The following PAOX variants were observed in gnomAD, a reference collection of about 807,000 sequenced individuals.
PAOX encodes polyamine oxidase.
PAOX carries 38 observed loss-of-function variants against 39.0 expected under a neutral mutation model. The observed-to-expected ratio is 0.97, with a 90% CI of 0.75 to 1.28. The LOEUF (loss-of-function observed/expected upper bound fraction) is 1.28, where lower values mean the gene tolerates loss of function less well. PAOX is among the 50% of genes most tolerant of loss of function. PAOX has a pLI of 0.00. For missense variants in PAOX, 667 were observed against 685.7 expected, an observed-to-expected ratio of 0.97 and a Z score of 0.30; for synonymous variants, 311 against 314.4, an observed-to-expected ratio of 0.99 and a Z score of 0.11.
chr10:133,389,200 C>T (rs1849604391), intron 5 of PAOX, 132 bp downstream of exon 5: 1 of 746,516 alleles, frequency 1.3e-6, no homozygotes, highest in Non-Finnish European at 2.4e-6. Context: ...GACCATCCTT[C>T]CTCATGTTAG....
chr10:133,388,442 A>G (rs1201007018), intron 4 of PAOX, among the ~76,000 whole-genome samples: 5 of 152,208 alleles, frequency 3.3e-5, no homozygotes, highest in Non-Finnish European at 5.9e-5. Flanking sequence ...ATGTCCCTGC[A>G]AAGGACATGA....
Position 133,388,999 on chromosome 10 carries a change from G to C in PAOX, c.1165G>C (p.Glu389Gln), listed in dbSNP as rs1213404925. 11 of 1,614,112 alleles carry C rather than the reference G, an allele frequency of 6.8e-6. No homozygotes were observed. The highest frequency in any genetic ancestry group is 9.3e-6 in the Non-Finnish European group (11 of 1,180,030). Residue 389 changes from glutamate to glutamine, a missense_variant, in exon 5 of 7, where the codon GAG becomes CAG. Glu to Gln is a conservative substitution (Grantham distance 29, BLOSUM62 2). Transcript: ENST00000278060. Reference protein sequence around the residue: ...LCGFIAGLESEFMETLSDEEV... With the variant: ...LCGFIAGLESQFMETLSDEEV... ...TGGGTTCATTGCCGGACTTGAGTCT[G>C]AGTTCATGGAGACTCTGTCGGATGA... is the stretch of plus-strand genomic sequence containing the variant.
chr10:133,384,095 A>G lies in PAOX; in HGVS notation c.1004A>G (p.Asp335Gly), dbSNP rs1266549923. The G allele has an allele frequency of 1.2e-6, 2 of 1,614,198 alleles. No individual in the cohort carries two copies. Among genetic ancestry groups the G allele is most frequent in the East Asian group, 2.2e-5 (1 of 44,886 alleles). Reference protein sequence around the residue: ...LEFEEPFWEPDCQLIQLVWED... With the variant: ...LEFEEPFWEPGCQLIQLVWED... ...TTTGAGGAGCCCTTCTGGGAGCCAG[A>G]CTGCCAGCTGATCCAGCTGGTGTGG... The change falls in exon 4 of 7, where the codon GAC (aspartate) becomes GGC (glycine). Residue 335 changes from aspartate to glycine, a missense_variant. By Grantham distance (94) the Asp-to-Gly change is moderately conservative. Coordinates refer to ENST00000278060, the MANE Select transcript of PAOX (RefSeq NM_152911.4). This position sits in a 1 kb window ranked among gnomAD's most constrained non-coding sequence, Gnocchi z 4.3.
At chr10:133,380,956 C>T (rs180727067) in intron 2 of PAOX, among the ~76,000 whole-genome samples, 175 of 152,274 alleles carry the variant, frequency 1.1e-3, no homozygotes, top group African/African-American at 3.9e-3. Context: ...CCAACCTGGG[C>T]GACAGAGTGA....
chr10:133,386,427 T>C (rs945388482), intron 4 of PAOX, among the ~76,000 whole-genome samples: 1 of 152,160 alleles, frequency 6.6e-6, no homozygotes, highest in Non-Finnish European at 1.5e-5. Context: ...GGTTGAAACA[T>C]AGGAAGAAAA....
chr10:133,390,939 T>G (rs1170586168), intron 6 of PAOX: 2 of 697,692 alleles, frequency 2.9e-6, no homozygotes, highest in South Asian at 1.5e-5. Context: ...GTGCAGTGGC[T>G]TCCTTTCCCA....
rs369813565 is a variant in PAOX, at chr10:133,384,111, G to C, written c.1020G>C (p.Gln340His). Residue 340 changes from glutamine (Q) to histidine (H), a missense_variant, in exon 4 of 7, where the codon CAG becomes CAC. Physicochemically the swap from Gln to His is conservative, Grantham distance 24. Coordinates refer to ENST00000278060, the MANE Select transcript of PAOX (RefSeq NM_152911.4). The surrounding 1 kb of genome is among the most constrained non-coding windows in gnomAD (Gnocchi z 4.3). Reference sequence around the variant, plus strand: ...GGGAGCCAGACTGCCAGCTGATCCAGCTGGTGTGGGAGGACACGTCGCCCC... The same window carrying C: ...GGGAGCCAGACTGCCAGCTGATCCACCTGGTGTGGGAGGACACGTCGCCCC... ...PFWEPDCQLIQLVWEDTSPLE... is the reference protein window; with the variant it reads ...PFWEPDCQLIHLVWEDTSPLE... The C allele has an allele frequency of 3.0e-5, 49 of 1,614,096 alleles. No individual in the cohort carries two copies. The highest frequency in any genetic ancestry group is 4.2e-5 in the Non-Finnish European group (49 of 1,180,034).
chr10:133,380,219 C>T lies in PAOX; in HGVS notation c.402C>T (p.Phe134=). The change falls in exon 2 of 7, where the codon TTC becomes TTT. Residue 134 remains phenylalanine (F), a synonymous_variant. Transcript: ENST00000278060. The part of the protein sequence containing the change: ...LQLVAEMATL[F]YGLIDQTREF... Reference sequence around the variant, plus strand: ...TGGTGGCGGAGATGGCGACTCTGTTCTACGGCCTGATAGACCAGACCCGGG... The same window carrying T: ...TGGTGGCGGAGATGGCGACTCTGTTTTACGGCCTGATAGACCAGACCCGGG... 1 of 1,612,898 alleles carries T rather than the reference C, an allele frequency of 6.2e-7. No homozygotes were observed. The highest frequency in any genetic ancestry group is 2.2e-5 in the East Asian group (1 of 44,872).
At chr10:133,385,129 C>T (rs1000779390) in intron 4 of PAOX, among the ~76,000 whole-genome samples, 1 of 152,110 alleles carries the variant, frequency 6.6e-6, no homozygotes, top group Non-Finnish European at 1.5e-5. Flanking sequence ...AACCCCGTCT[C>T]TACTAAAAAT....
At chr10:133,388,696 C>T (rs115578097) in intron 4 of PAOX, among the ~76,000 whole-genome samples, 118 of 152,322 alleles carry the variant, frequency 7.7e-4, no homozygotes, top group African/African-American at 2.6e-3. Flanking sequence ...AGGACTTTGC[C>T]GCCCACACTC....
Position 133,389,646 on chromosome 10 carries a change from C to T in PAOX, c.1291C>T (p.Pro431Ser). Residue 431 changes from proline (P) to serine (S), a missense_variant, in exon 6 of 7, where the codon CCG becomes TCG. Physicochemically the swap from Pro to Ser is moderately conservative, Grantham distance 74 (BLOSUM62 -1). Transcript: ENST00000278060. The stretch of plus-strand genomic sequence containing the variant: ...CCTGCGGTCTCGCTGGCACAGCGCC[C>T]CGTACACTAGGGGGTCCTACAGCTA... ...SVLRSRWHSAPYTRGSYSYVA... is the reference protein window; with the variant it reads ...SVLRSRWHSASYTRGSYSYVA... 1.2e-6 allele frequency: 2 copies of T among 1,613,490 alleles called. No homozygotes were observed. Among genetic ancestry groups the T allele is most frequent in the Non-Finnish European group, 1.7e-6 (2 of 1,179,978 alleles).
At chr10:133,379,537 G>A in intron 1 of PAOX, 40 bp downstream of exon 1, 2 of 1,222,122 alleles carry the variant, frequency 1.6e-6, no homozygotes, top group East Asian at 3.2e-5. Context: ...AACCCAACCG[G>A]CTGCGCCCGA....
At chr10:133,390,941 C>A (rs1437323273) in intron 6 of PAOX, 4 of 693,474 alleles carry the variant, frequency 5.8e-6, no homozygotes, top group Non-Finnish European at 1.1e-5. Flanking sequence ...GCAGTGGCTT[C>A]CTTTCCCACC....
chr10:133,382,425 G>T (rs983125939), intron 3 of PAOX, among the ~76,000 whole-genome samples: 2 of 152,182 alleles, frequency 1.3e-5, no homozygotes, highest in African/African-American at 4.8e-5. Flanking sequence ...CCTCCCCGGG[G>T]CAGGGATGAG....
chr10:133,390,950 C>T (rs1325406576), intron 6 of PAOX: 4 of 701,508 alleles, frequency 5.7e-6, no homozygotes, highest in African/African-American at 5.2e-5. Context: ...TCCTTTCCCA[C>T]CCATTGGTGG....
At position 133,384,568 on chromosome 10, in the gene PAOX, G is replaced by C. The variant is rs1452347716; in HGVS notation, c.1121+356G>C. Among the ~76,000 whole-genome samples, 1 of 152,212 alleles carries C rather than the reference G, an allele frequency of 6.6e-6. No homozygotes were observed. Among genetic ancestry groups the C allele is most frequent in the Non-Finnish European group, 1.5e-5 (1 of 68,038 alleles). ...AACACCATCTGCCCATACGTGGGGA[G>C]ACAATACTTAAATGGGATGAAATAA... On this transcript the variant is annotated intron_variant, in intron 4 of 6. Transcript: ENST00000278060. The surrounding 1 kb of genome is among the most constrained non-coding windows in gnomAD (Gnocchi z 4.3).
intron 6 of PAOX, among the ~76,000 whole-genome samples, chr10:133,390,169 G>A (rs1202964042): frequency 6.6e-6 from 1 of 151,864 alleles, no homozygotes; most frequent in Non-Finnish European, 1.5e-5. Flanking sequence ...CCTAAGCCAA[G>A]CTTCTCCCCG....
Position 133,389,679 on chromosome 10 carries a change from G to A in PAOX, c.1324G>A (p.Val442Met), listed in dbSNP as rs370919520. The A allele has an allele frequency of 1.4e-5, 23 of 1,611,266 alleles. No individual in the cohort carries two copies. The highest frequency in any genetic ancestry group is 3.3e-5 in the South Asian group (3 of 90,976). The change falls in exon 6 of 7, where the codon GTG (valine) becomes ATG (methionine). Residue 442 changes from valine to methionine, a missense_variant. Physicochemically the swap from Val to Met is conservative, Grantham distance 21 (BLOSUM62 1). Coordinates refer to ENST00000278060, the MANE Select transcript of PAOX (RefSeq NM_152911.4). The stretch of plus-strand genomic sequence containing the variant: ...TAGGGGGTCCTACAGCTACGTGGCC[G>A]TGGGCAGTACTGGGGGCGACCTGGA... ...YTRGSYSYVA[V>M]GSTGGDLDLL...
Position 133,389,606 on chromosome 10 carries a change from C to T in PAOX, c.1251C>T (p.Pro417=), listed in dbSNP as rs143081327. The change falls in exon 6 of 7, where the codon CCC becomes CCT. Residue 417 remains proline, a synonymous_variant. Transcript: ENST00000278060. ...GTGGCTCAGGAAACCCACGGCTCCCCGCGCCCAAGAGCGTCCTGCGGTCTC... is the reference window on the plus strand; with the variant it reads ...GTGGCTCAGGAAACCCACGGCTCCCTGCGCCCAAGAGCGTCCTGCGGTCTC... ...LRRVTGNPRL[P]APKSVLRSRW... is the part of the protein sequence containing the mutation. 5.5e-5 allele frequency: 89 copies of T among 1,613,794 alleles called. No homozygotes were observed. Among genetic ancestry groups the T allele is most frequent in the South Asian group, 3.5e-4 (32 of 91,090 alleles).
Sources: allele counts gnomAD v4.1 joint callset (sites outside exome capture counted in the v4.1 genomes callset), GRCh38; gene constraint gnomAD v4.1.1; non-coding constraint Gnocchi (gnomAD v3.1); transcripts MANE v1.5; gene names NCBI Gene and HGNC (gene_info 2026-07-23, HGNC 2026-07-21).